PPP1CB: variants seen among roughly 807,000 people sequenced by gnomAD.
The protein encoded by PPP1CB is protein phosphatase 1 catalytic subunit beta, also known as serine/threonine-protein phosphatase PP1-beta catalytic subunit.
Under a neutral mutation model 43.7 loss-of-function variants are expected in PPP1CB, and 2 were observed. The ratio of observed to expected loss-of-function variants is 0.05; its 90% CI spans 0.02 to 0.14. The LOEUF (loss-of-function observed/expected upper bound fraction) is 0.14, where lower values mean the gene tolerates loss of function less well. Among genes scored for constraint, PPP1CB ranks in the 10% least tolerant of loss-of-function variants. The probability of loss-of-function intolerance (pLI) is 1.00; values close to 1 mark genes in which losing one functional copy is unlikely to be tolerated. For synonymous variants in PPP1CB, 136 were observed against 135.6 expected (o/e 1.00, Z -0.02); for missense variants, 84 against 398.0 (o/e 0.21, Z 6.71).
At position 28,760,777 on chromosome 2, in the gene PPP1CB, TTAAA is replaced by T. The variant is rs1269145463; in HGVS notation, c.52+8604_52+8607del. Among the ~76,000 whole-genome samples, 21 of 152,358 alleles carry T rather than the reference TTAAA, an allele frequency of 1.4e-4. No homozygotes were observed. The East Asian group carries it at 1.5e-3, about 11-fold the overall frequency. On this transcript the variant is annotated intron_variant, in intron 1 of 7. Transcript: ENST00000395366. ...AGTTGTAATCACGTATTTTAAAACT[TTAAA>T]TAGTAAATTAAGAAGGAATCTTTAT...
intron 4 of PPP1CB, 94 bp downstream of exon 4, chr2:28,781,936 T>C (rs1176764847): frequency 1.2e-6 from 1 of 857,322 alleles, no homozygotes; most frequent in East Asian, 2.6e-5. Flanking sequence ...AACAAAGCAG[T>C]GCTTGTATGA....
chr2:28,770,566 G>A (rs1406083977), intron 1 of PPP1CB, among the ~76,000 whole-genome samples: 1 of 152,046 alleles, frequency 6.6e-6, no homozygotes. Context: ...TTTTATATAT[G>A]TAATAGTATA....
intron 5 of PPP1CB, among the ~76,000 whole-genome samples, chr2:28,785,626 C>T (rs1221917130): frequency 6.6e-6 from 1 of 151,732 alleles, no homozygotes; most frequent in Non-Finnish European, 1.5e-5. Flanking sequence ...GCCTGGGCAA[C>T]ATAACACCCA....
At chr2:28,784,272 C>G (rs1667214320) in intron 5 of PPP1CB, among the ~76,000 whole-genome samples, 1 of 152,168 alleles carries the variant, frequency 6.6e-6, no homozygotes, top group South Asian at 2.1e-4. Flanking sequence ...TTCATACTAG[C>G]ATTGGTTATG....
chr2:28,776,823 A>G (rs770178456), intron 1 of PPP1CB, 28 bp from the exon 2 acceptor site: 17 of 1,575,320 alleles, frequency 1.1e-5, no homozygotes, highest in Non-Finnish European at 1.4e-5. Context: ...ATTTTAGAAA[A>G]CTGACTGTTT....
chr2:28,786,925 AGACT>A (rs1224047237), intron 5 of PPP1CB, among the ~76,000 whole-genome samples: 1 of 152,166 alleles, frequency 6.6e-6, no homozygotes, highest in Admixed American at 6.6e-5. Context: ...TTAAGAATTG[AGACT>A]GACTATTCCA....
chr2:28,774,197 A>G (rs1666979777), intron 1 of PPP1CB, among the ~76,000 whole-genome samples: 1 of 152,218 alleles, frequency 6.6e-6, no homozygotes, highest in Non-Finnish European at 1.5e-5. Context: ...TCATTTGAAT[A>G]TTTTAAATTG....
intron 1 of PPP1CB, among the ~76,000 whole-genome samples, chr2:28,762,611 T>C (rs1280404410): frequency 8.5e-5 from 13 of 152,244 alleles, no homozygotes. Flanking sequence ...GGTGGTTTTT[T>C]AAAGGTGAAT....
At chr2:28,793,810 G>T in intron 6 of PPP1CB, 53 bp from the exon 7 acceptor site, 2 of 1,603,306 alleles carry the variant, frequency 1.2e-6, no homozygotes, top group Non-Finnish European at 1.7e-6. Context: ...AGTATAGATG[G>T]TTCAGAATTA....
chr2:28,754,357 G>A (rs13405593), intron 1 of PPP1CB, among the ~76,000 whole-genome samples: 4,794 of 143,834 alleles, frequency 0.033, 319 homozygotes, highest in African/African-American at 0.12. Flanking sequence ...GGGGGGGGGC[G>A]GGTAAGAATT....
At chr2:28,784,138 A>G (rs1269509873) in intron 5 of PPP1CB, among the ~76,000 whole-genome samples, 160 bp downstream of exon 5, 1 of 152,190 alleles carries the variant, frequency 6.6e-6, no homozygotes, top group Non-Finnish European at 1.5e-5. Context: ...GTAATACACA[A>G]TTTTTCACTT....
intron 1 of PPP1CB, among the ~76,000 whole-genome samples, chr2:28,761,233 G>A (rs1666638944): frequency 6.6e-6 from 1 of 152,164 alleles, no homozygotes; most frequent in African/African-American, 2.4e-5. Context: ...ACCTGTCAGT[G>A]AGAAAGAGTG....
chr2:28,754,088 G>GT (rs1301440529), intron 1 of PPP1CB, among the ~76,000 whole-genome samples: 1 of 152,082 alleles, frequency 6.6e-6, no homozygotes, highest in African/African-American at 2.4e-5. Flanking sequence ...TTAAAAATAT[G>GT]TTTGTATCTC....
chr2:28,776,767 T>A, intron 1 of PPP1CB, 84 bp from the exon 2 acceptor site: 1 of 1,347,690 alleles, frequency 7.4e-7, no homozygotes, highest in Non-Finnish European at 1.0e-6. Flanking sequence ...CTTTTCTGAT[T>A]TTTAAAGTAT....
chr2:28,794,492 C>T (rs12714246), intron 7 of PPP1CB, among the ~76,000 whole-genome samples: 62,346 of 151,812 alleles, frequency 0.41, 13,713 homozygotes, highest in Middle Eastern at 0.51. Flanking sequence ...TGATCAAGAC[C>T]GTCCTGGCTA....
rs753650820 is a variant in PPP1CB, at chr2:28,783,888, C to G, written c.521-19C>G. ...AAATTTTTAGCTGTTAGTACTATGT[C>G]TCATCTTTTTATTTATAGGATTGTC... On this transcript the variant is annotated intron_variant, in intron 4 of 7. Coordinates refer to ENST00000395366, the MANE Select transcript of PPP1CB (RefSeq NM_002709.3). 1 of 1,587,736 alleles carries G rather than the reference C, an allele frequency of 6.3e-7. No individual in the cohort carries two copies. Among genetic ancestry groups the G allele is most frequent in the South Asian group, 1.1e-5 (1 of 90,300 alleles).
rs1169727777 is a variant in PPP1CB, at chr2:28,751,895, G to A, written c.-230G>A. On this transcript the variant is annotated 5_prime_UTR_variant, in exon 1 of 8. Coordinates refer to ENST00000395366, the MANE Select transcript of PPP1CB (RefSeq NM_002709.3). ...GGGTCTGACGCGGCCCTGTTCGAGGGGGCCTCTCTTGTTTATTTATTTATT... is the reference window on the plus strand; with the variant it reads ...GGGTCTGACGCGGCCCTGTTCGAGGAGGCCTCTCTTGTTTATTTATTTATT... The A allele has an allele frequency of 1.7e-6, 1 of 604,692 alleles. No individual in the cohort carries two copies. The highest frequency in any genetic ancestry group is 1.9e-5 in the African/African-American group (1 of 53,696). 37.5% of individuals were successfully genotyped at this position (604,692 alleles called of 1,614,324 possible). A position where few individuals can be genotyped will look rare whatever the true frequency, so the allele number is the denominator to read the frequency against.
intron 3 of PPP1CB, among the ~76,000 whole-genome samples, chr2:28,780,886 C>G (rs1334182582): frequency 6.6e-6 from 1 of 151,580 alleles, no homozygotes; most frequent in African/African-American, 2.4e-5. Context: ...TTTATACTTG[C>G]TATAGTGCCA....
At chr2:28,789,520 T>C (rs1379446877) in intron 6 of PPP1CB, among the ~76,000 whole-genome samples, 1 of 151,752 alleles carries the variant, frequency 6.6e-6, no homozygotes, top group Non-Finnish European at 1.5e-5. Flanking sequence ...AAAAAAAGAA[T>C]GTATTTTTGT....
Sources: allele counts gnomAD v4.1 joint callset (sites outside exome capture counted in the v4.1 genomes callset), GRCh38; gene constraint gnomAD v4.1.1; transcripts MANE v1.5; gene names NCBI Gene and HGNC (gene_info 2026-07-23, HGNC 2026-07-21).